CRYBA4: variants seen among roughly 807,000 people sequenced by gnomAD.
CRYBA4 encodes beta-crystallin A4.
CRYBA4 carries 30 observed loss-of-function variants against 31.7 expected under a neutral mutation model. That is an observed-to-expected ratio of 0.95 (90% CI 0.71 to 1.28). The LOEUF (loss-of-function observed/expected upper bound fraction) is 1.28. Ranked by LOEUF, CRYBA4 falls within the 50% of genes most tolerant of loss-of-function variation. The pLI is 0.00. For missense variants in CRYBA4, 225 were observed against 260.7 expected (o/e 0.86, Z 0.94); for synonymous variants, 102 against 102.3 (o/e 1.00, Z 0.02).
At chr22:26,609,542 G>A in the CRYBA4 span, among the ~76,000 whole-genome samples, 1 of 152,108 alleles carries the variant, frequency 6.6e-6, no homozygotes, top group African/African-American at 2.4e-5. Context: ...AGATGGATGG[G>A]TGGGTAGATG....
At chr22:26,623,148 C>G in intron 2 of CRYBA4, 86 bp from the exon 3 acceptor site, 2 of 1,119,170 alleles carry the variant, frequency 1.8e-6, no homozygotes, top group Non-Finnish European at 1.4e-6. Context: ...CCTGCTTTAC[C>G]TGCCAGATCC....
chr22:26,602,889 C>T, the CRYBA4 span, among the ~76,000 whole-genome samples: 1 of 151,920 alleles, frequency 6.6e-6, no homozygotes. Flanking sequence ...TTTGGGAGGC[C>T]GAGGCGGGCA....
In CRYBA4 at chr22:26,628,415, A is replaced by T. The variant is rs1929817247; in HGVS notation, c.428A>T (p.His143Leu). Residue 143 changes from histidine to leucine, a missense_variant, in exon 5 of 6, where the codon CAC becomes CTC. His to Leu is a moderately conservative substitution (Grantham distance 99). Transcript: ENST00000354760. ...GWEGNEVGSF[H>L]VHSGAWVCSQ... ...GAAGGCAATGAAGTAGGGTCCTTCCACGTCCACTCTGGGGCGTAAGTGTAT... is the reference window on the plus strand; with the variant it reads ...GAAGGCAATGAAGTAGGGTCCTTCCTCGTCCACTCTGGGGCGTAAGTGTAT... 1.2e-6 allele frequency: 2 copies of T among 1,613,860 alleles called. No individual in the cohort carries two copies. Among genetic ancestry groups the T allele is most frequent in the Admixed American group, 1.7e-5 (1 of 59,982 alleles).
intron 4 of CRYBA4, among the ~76,000 whole-genome samples, chr22:26,627,985 G>A (rs1029500945): frequency 3.3e-5 from 5 of 152,116 alleles, no homozygotes; most frequent in African/African-American, 1.2e-4. Flanking sequence ...TAATGCCTCA[G>A]CTTACCACTG....
chr22:26,616,377 A>G, the CRYBA4 span: 3 of 1,406,294 alleles, frequency 2.1e-6, no homozygotes, highest in African/African-American at 1.4e-5. Flanking sequence ...GACACCCCCA[A>G]ACTGCCTCCT....
chr22:26,621,946 C>G, upstream of CRYBA4: 1 of 985,502 alleles, frequency 1.0e-6, no homozygotes, highest in South Asian at 4.7e-5. Context: ...AGCCCGACCT[C>G]GGCTGGTCTC....
chr22:26,594,857 C>T, the CRYBA4 span, among the ~76,000 whole-genome samples: 1 of 152,204 alleles, frequency 6.6e-6, no homozygotes, highest in African/African-American at 2.4e-5. Flanking sequence ...TAAACTTGGA[C>T]TCATCATGAT....
At chr22:26,608,643 T>C in the CRYBA4 span, among the ~76,000 whole-genome samples, 1 of 152,340 alleles carries the variant, frequency 6.6e-6, no homozygotes, top group Non-Finnish European at 1.5e-5. Flanking sequence ...AGGGTTCTTT[T>C]AAAATGTGTT....
upstream of CRYBA4, among the ~76,000 whole-genome samples, chr22:26,620,203 C>A (rs1249846584): frequency 1.3e-5 from 2 of 152,196 alleles, no homozygotes; most frequent in Non-Finnish European, 2.9e-5. Context: ...AAAAACTATG[C>A]ACCCCTGCTT....
the CRYBA4 span, among the ~76,000 whole-genome samples, chr22:26,605,653 A>G: frequency 1.4e-5 from 2 of 138,474 alleles, no homozygotes; most frequent in South Asian, 5.4e-4. Context: ...AGCCTGGGCA[A>G]CAGAGTTAGA....
At chr22:26,604,581 G>A in the CRYBA4 span, among the ~76,000 whole-genome samples, 2 of 152,204 alleles carry the variant, frequency 1.3e-5, no homozygotes, top group Non-Finnish European at 2.9e-5. Context: ...TGGAGGTTAA[G>A]GAGGAGTGCA....
At position 26,630,530 on chromosome 22, in the gene CRYBA4, A is replaced by G. The variant is rs1173887091; in HGVS notation, c.*43A>G. ...AGGAGCGCATGCGTGCTTATCTGCAATGGAGGCGCTCTGGAGGCTGTGGTG... is the reference window on the plus strand; with the variant it reads ...AGGAGCGCATGCGTGCTTATCTGCAGTGGAGGCGCTCTGGAGGCTGTGGTG... On this transcript the variant is annotated 3_prime_UTR_variant, in exon 6 of 6. Transcript: ENST00000354760. 1 of 1,569,556 alleles carries G rather than the reference A, an allele frequency of 6.4e-7. No individual in the cohort carries two copies. The highest frequency in any genetic ancestry group is 1.3e-5 in the African/African-American group (1 of 74,234).
upstream of CRYBA4, among the ~76,000 whole-genome samples, chr22:26,617,274 T>C (rs181374333): frequency 2.9e-4 from 44 of 152,306 alleles, no homozygotes; most frequent in Admixed American, 9.8e-4. Flanking sequence ...ATACCTCAAC[T>C]TTGTCCCCGG....
chr22:26,599,528 C>T, the CRYBA4 span: 2 of 1,613,670 alleles, frequency 1.2e-6, no homozygotes. Context: ...GGGAAGGACC[C>T]CTCGAGGTGC....
At chr22:26,598,481 T>C in the CRYBA4 span, among the ~76,000 whole-genome samples, 1 of 152,092 alleles carries the variant, frequency 6.6e-6, no homozygotes, top group Non-Finnish European at 1.5e-5. Context: ...GGCTAAAGCC[T>C]CAAGTGATCC....
At chr22:26,616,372 C>G in the CRYBA4 span, 1 of 1,439,202 alleles carries the variant, frequency 6.9e-7, no homozygotes, top group Non-Finnish European at 9.7e-7. Context: ...GGGATGACAC[C>G]CCCAAACTGC....
chr22:26,624,076 G>A (rs1037075227), intron 3 of CRYBA4, among the ~76,000 whole-genome samples: 2 of 152,224 alleles, frequency 1.3e-5, no homozygotes, highest in East Asian at 1.9e-4. Context: ...TTAGATAGAA[G>A]GTTCTAGAAG....
intron 4 of CRYBA4, among the ~76,000 whole-genome samples, chr22:26,627,598 TTCTTTC>T (rs1270912289): frequency 7.0e-6 from 1 of 142,418 alleles, no homozygotes; most frequent in African/African-American, 2.7e-5. Flanking sequence ...TTCTCTTTCT[TTCTTTC>T]TCTTTCTCTC....
intron 2 of CRYBA4, 72 bp from the exon 3 acceptor site, chr22:26,623,162 G>A (rs1929587362): frequency 1.6e-6 from 2 of 1,278,388 alleles, no homozygotes; most frequent in African/African-American, 2.9e-5. Context: ...CAGATCCTGG[G>A]GCGAGCCCCC....
Sources: allele counts gnomAD v4.1 joint callset (sites outside exome capture counted in the v4.1 genomes callset), GRCh38; gene constraint gnomAD v4.1.1; transcripts MANE v1.5; gene names NCBI Gene and HGNC (gene_info 2026-07-23, HGNC 2026-07-21).